Variants in UBE2G2 observed in about 807,000 individuals in gnomAD.
UBE2G2 encodes ubiquitin-conjugating enzyme E2 G2.
Under a neutral mutation model 23.0 loss-of-function variants are expected in UBE2G2, and 10 were observed. That is an observed-to-expected ratio of 0.43 (90% CI 0.27 to 0.74). The LOEUF (loss-of-function observed/expected upper bound fraction) is 0.74. Among genes scored for constraint, UBE2G2 ranks in the 30% least tolerant of loss-of-function variants. The pLI is 0.19. For missense variants in UBE2G2, 150 were observed against 218.3 expected, an observed-to-expected ratio of 0.69 and a Z score of 1.97; for synonymous variants, 86 against 81.3, an observed-to-expected ratio of 1.06 and a Z score of -0.31.
intron 3 of UBE2G2, among the ~76,000 whole-genome samples, chr21:44,780,411 G>A (rs568922816): frequency 8.9e-4 from 136 of 152,308 alleles, no homozygotes; most frequent in African/African-American, 2.8e-3. Flanking sequence ...CTCTTTCACC[G>A]AAGATGGCCT....
chr21:44,771,199 A>G lies in UBE2G2; in HGVS notation c.*178T>C, dbSNP rs1420065782. 5.0e-6 allele frequency: 3 copies of G among 596,916 alleles called. No individual in the cohort carries two copies. The East Asian group carries it at 8.4e-5, about 17-fold the overall frequency. The allele number at this position is 596,916 out of a possible 1,614,324, so 37.0% of individuals were successfully genotyped here. ...AGCTGTCAATATTCGACATTAAGTC[A>G]TCATTTCAGAAGAGAAGCCTGTTTG... On this transcript the variant is annotated 3_prime_UTR_variant, in exon 6 of 6. Transcript: ENST00000345496. The surrounding 1 kb of genome is among the most constrained non-coding windows in gnomAD (Gnocchi z 4.6).
chr21:44,794,478 A>T (rs1236990416), intron 1 of UBE2G2, among the ~76,000 whole-genome samples: 1 of 152,206 alleles, frequency 6.6e-6, no homozygotes, highest in Non-Finnish European at 1.5e-5. Context: ...CAATAGCAAG[A>T]AATATTTTAA....
chr21:44,780,893 T>C (rs1290851016), intron 3 of UBE2G2, among the ~76,000 whole-genome samples: 1 of 152,198 alleles, frequency 6.6e-6, no homozygotes, highest in Middle Eastern at 3.2e-3. Flanking sequence ...CACTTTTTAC[T>C]TTCTAGATAA....
intron 1 of UBE2G2, 178 bp downstream of exon 1, chr21:44,801,528 G>A (rs2083137647): frequency 9.0e-7 from 1 of 1,107,262 alleles, no homozygotes; most frequent in Non-Finnish European, 1.2e-6. Context: ...ACGACTTCAC[G>A]CGTGAGAGTG....
At chr21:44,797,740 A>AAAAAAAAAAAAAAAAAAG (rs781868771) in intron 1 of UBE2G2, among the ~76,000 whole-genome samples, 2 of 114,302 alleles carry the variant, frequency 1.7e-5, no homozygotes, top group African/African-American at 3.2e-5. Context: ...AAAAAAAAAA[A>AAAAAAAAAAAAAAAAAAG]AGAGAAAATA....
rs781790299 is a variant in UBE2G2, at chr21:44,771,420, T to C, written c.455A>G (p.Tyr152Cys). Residue 152 changes from tyrosine (Y) to cysteine (C), a missense_variant, in exon 6 of 6, where the codon TAT (tyrosine) becomes TGT (cysteine). Coordinates refer to ENST00000345496, the MANE Select transcript of UBE2G2 (RefSeq NM_003343.6). The surrounding 1 kb of genome is among the most constrained non-coding windows in gnomAD (Gnocchi z 4.6). ...KMWRDDREQF[Y>C]KIAKQIVQKS... ...CTGGACGATCTGCTTGGCAATCTTA[T>C]AGAACTGCTCCCGGTCATCGCGCCA... 1.3e-5 allele frequency: 21 copies of C among 1,613,168 alleles called. No individual in the cohort carries two copies. In the South Asian group the frequency reaches 1.5e-4, roughly 12 times the overall value.
At chr21:44,774,782 T>C in intron 4 of UBE2G2, 1 of 454,500 alleles carries the variant, frequency 2.2e-6, no homozygotes, top group South Asian at 1.6e-5. Context: ...TTCCCACTTC[T>C]GTGTTGCCTT....
intron 1 of UBE2G2, among the ~76,000 whole-genome samples, chr21:44,791,196 C>T (rs547712943): frequency 5.8e-4 from 89 of 152,174 alleles, no homozygotes; most frequent in African/African-American, 2.0e-3. Context: ...CGCAGCATGA[C>T]GGTGCAATAA....
intron 1 of UBE2G2, among the ~76,000 whole-genome samples, chr21:44,796,342 T>C (rs534095906): frequency 6.6e-6 from 1 of 152,366 alleles, no homozygotes; most frequent in South Asian, 2.1e-4. Context: ...CCACCACCTC[T>C]GAATTTCTGC....
At chr21:44,780,319 C>T (rs561441136) in intron 3 of UBE2G2, among the ~76,000 whole-genome samples, 1 of 152,354 alleles carries the variant, frequency 6.6e-6, no homozygotes, top group African/African-American at 2.4e-5. Flanking sequence ...GCCTTCCAGG[C>T]AACTCCCGAG....
intron 3 of UBE2G2, among the ~76,000 whole-genome samples, chr21:44,781,991 A>G (rs2082961183): frequency 6.6e-6 from 1 of 152,248 alleles, no homozygotes; most frequent in Admixed American, 6.5e-5. Flanking sequence ...AGTGTACTAA[A>G]TAAGTTCATC....
intron 3 of UBE2G2, among the ~76,000 whole-genome samples, chr21:44,777,779 G>A (rs527509299): frequency 6.6e-6 from 1 of 152,276 alleles, no homozygotes; most frequent in East Asian, 1.9e-4. Context: ...CCGCACTCAA[G>A]CCTGGGCGAC....
At chr21:44,795,278 A>T (rs1371826400) in intron 1 of UBE2G2, among the ~76,000 whole-genome samples, 1 of 152,076 alleles carries the variant, frequency 6.6e-6, no homozygotes, top group Non-Finnish European at 1.5e-5. Flanking sequence ...AAATAAAAAA[A>T]AATAAATAAA....
At chr21:44,800,928 G>C (rs1262407096) in intron 1 of UBE2G2, 2 of 152,218 alleles carry the variant, frequency 1.3e-5, no homozygotes, top group East Asian at 1.9e-4. Context: ...GAGACAGAGA[G>C]AGGAACAAGG....
rs962715813 is a variant in UBE2G2 at position 44,771,983 on chromosome 21, G to C, written c.386-494C>G. On this transcript the variant is annotated intron_variant, in intron 5 of 5. Coordinates refer to ENST00000345496, the MANE Select transcript of UBE2G2 (RefSeq NM_003343.6). The surrounding 1 kb of genome is among the most constrained non-coding windows in gnomAD (Gnocchi z 4.6). ...AATGTGCAGCCTAAGGTAGACACCT[G>C]ACCCCAGGATACCTGACCCACCCCC... Among the ~76,000 whole-genome samples, 1 of 152,096 alleles carries C rather than the reference G, an allele frequency of 6.6e-6. No homozygotes were observed. The highest frequency in any genetic ancestry group is 1.9e-4 in the East Asian group (1 of 5,184).
chr21:44,775,011 C>T (rs2082902620), intron 4 of UBE2G2: 1 of 292,398 alleles, frequency 3.4e-6, no homozygotes, highest in African/African-American at 2.3e-5. Context: ...TGCCTGGCTT[C>T]CTCCCACCTG....
At chr21:44,779,842 T>G (rs2082943060) in intron 3 of UBE2G2, among the ~76,000 whole-genome samples, 1 of 152,158 alleles carries the variant, frequency 6.6e-6, no homozygotes, top group South Asian at 2.1e-4. Flanking sequence ...CTAGATCAAT[T>G]TAGTATTAGA....
At position 44,769,161 on chromosome 21, in the gene UBE2G2, G is replaced by A. The variant is rs542674862; in HGVS notation, c.*2216C>T. 4.5e-4 allele frequency: 69 copies of A among 152,154 alleles called. No homozygotes were observed. Among genetic ancestry groups the A allele is most frequent in the African/African-American group, 1.6e-3 (67 of 41,504 alleles). The allele number at this position is 152,154 out of a possible 1,614,324, so 9.4% of individuals were successfully genotyped here. On this transcript the variant is annotated 3_prime_UTR_variant, in exon 6 of 6. Coordinates refer to ENST00000345496, the MANE Select transcript of UBE2G2 (RefSeq NM_003343.6). The stretch of plus-strand genomic sequence containing the variant: ...CAAATGAATAAAAATACTTTATTTT[G>A]TCAAGAGACTGCCTCTCCTCCCTCT...
intron 1 of UBE2G2, among the ~76,000 whole-genome samples, chr21:44,799,808 G>A (rs781886171): frequency 6.6e-6 from 1 of 152,208 alleles, no homozygotes; most frequent in Non-Finnish European, 1.5e-5. Flanking sequence ...AGCCTATCTT[G>A]ACTTTCAACA....
Sources: gnomAD v4.1 joint callset for allele counts (sites outside exome capture counted in the v4.1 genomes callset) on GRCh38, gnomAD v4.1.1 for gene constraint, Gnocchi (gnomAD v3.1) non-coding constraint, MANE v1.5 for transcripts, NCBI Gene and HGNC (gene_info 2026-07-23, HGNC 2026-07-21) for gene names.